SLC38A8: variants seen among roughly 807,000 people sequenced by gnomAD.
SLC38A8 encodes solute carrier family 38 member 8.
Under a neutral mutation model 46.0 loss-of-function variants are expected in SLC38A8, and 65 were observed. That is an observed-to-expected ratio of 1.41 (90% confidence interval 1.16 to 1.74). The LOEUF (loss-of-function observed/expected upper bound fraction) is 1.74. Ranked by LOEUF, SLC38A8 falls within the 40% of genes most tolerant of loss-of-function variation. SLC38A8 has a pLI of 0.00. For synonymous variants in SLC38A8, 447 were observed against 243.7 expected, an observed-to-expected ratio of 1.83 and a Z score of -7.77; for missense variants, 998 against 567.9, an observed-to-expected ratio of 1.76 and a Z score of -7.70.
Position 84,034,080 on chromosome 16 carries a change from T to C in SLC38A8, c.389-611A>G, listed in dbSNP as rs111372605. On this transcript the variant is annotated intron_variant, in intron 3 of 10. Transcript: ENST00000299709. ...TGGGGCTGGTCTGGAGGAACCCTGATGGCTCCCCACAACACCTACTGCCTG... is the reference window on the plus strand; with the variant it reads ...TGGGGCTGGTCTGGAGGAACCCTGACGGCTCCCCACAACACCTACTGCCTG... Among the ~76,000 whole-genome samples, 1,098 of 152,320 alleles carry C rather than the reference T, an allele frequency of 7.2e-3. 21 individuals carry two copies. Among genetic ancestry groups the C allele is most frequent in the African/African-American group, 0.025 (1,041 of 41,566 alleles).
At chr16:84,042,862 G>T (rs891907561), upstream of SLC38A8, among the ~76,000 whole-genome samples, 25 of 145,106 alleles carry the variant, frequency 1.7e-4, no homozygotes, top group Non-Finnish European at 3.2e-4. Flanking sequence ...GCCCCCTGCA[G>T]GCCCGGCCCC....
chr16:84,034,737 T>A (rs2085282589), intron 3 of SLC38A8, among the ~76,000 whole-genome samples: 1 of 152,064 alleles, frequency 6.6e-6, no homozygotes, highest in Non-Finnish European at 1.5e-5. Context: ...AGAGCCGAGA[T>A]GCCAAGGGAC....
chr16:84,010,526 G>A (rs9673448), intron 10 of SLC38A8, among the ~76,000 whole-genome samples: 1 of 151,832 alleles, frequency 6.6e-6, no homozygotes, highest in African/African-American at 2.4e-5. Flanking sequence ...GGATTCACCT[G>A]AGGTCATGAA....
At position 84,036,813 on chromosome 16, in the gene SLC38A8, T is replaced by C; in HGVS notation, c.277A>G (p.Arg93Gly). The C allele has an allele frequency of 6.2e-7, 1 of 1,614,008 alleles. No individual in the cohort carries two copies. Among genetic ancestry groups the C allele is most frequent in the Non-Finnish European group, 8.5e-7 (1 of 1,179,994 alleles). ...SGQATYQGVV[R>G]GLCGPAIGKL... ...CCAATGGCAGGGCCACACAGCCCCC[T>C]GACCACACCCTGGTAGGTGGCCTGG... Residue 93 changes from arginine (R) to glycine (G), a missense_variant, in exon 3 of 11, where the codon AGG (arginine) becomes GGG (glycine). Physicochemically the swap from Arg to Gly is moderately radical, Grantham distance 125 (BLOSUM62 -2). Transcript: ENST00000299709.
At chr16:84,020,177 G>A (rs1406717957) in intron 7 of SLC38A8, among the ~76,000 whole-genome samples, 3 of 143,124 alleles carry the variant, frequency 2.1e-5, no homozygotes, top group African/African-American at 8.0e-5. Flanking sequence ...GTCTTGCCCT[G>A]TCACCCAGGC....
chr16:84,032,815 T>C (rs1367992784), intron 4 of SLC38A8, among the ~76,000 whole-genome samples: 1 of 151,614 alleles, frequency 6.6e-6, no homozygotes, highest in Non-Finnish European at 1.5e-5. Flanking sequence ...ATACAGACCC[T>C]TAGCCACAAA....
intron 7 of SLC38A8, among the ~76,000 whole-genome samples, chr16:84,020,137 C>A (rs1019703905): frequency 7.4e-6 from 1 of 134,308 alleles, no homozygotes; most frequent in Non-Finnish European, 1.5e-5. Flanking sequence ...CCACAACATC[C>A]GTTGTTTTTT....
chr16:84,036,588 C>A (rs541257567), intron 3 of SLC38A8, 114 bp downstream of exon 3: 16 of 1,214,070 alleles, frequency 1.3e-5, no homozygotes. Context: ...GTTTCAGCCT[C>A]TGCTGTCCCT....
Position 84,017,122 on chromosome 16 carries a change from C to G in SLC38A8, c.953+18G>C, listed in dbSNP as rs373477224. On this transcript the variant is annotated intron_variant, in intron 8 of 10. Transcript: ENST00000299709. ...GCAGACCATGCTTCACGGTGCCCCCCACTGAGCCAGGCCTCACCTCCCCAG... is the reference window on the plus strand; with the variant it reads ...GCAGACCATGCTTCACGGTGCCCCCGACTGAGCCAGGCCTCACCTCCCCAG... The G allele has an allele frequency of 1.1e-5, 18 of 1,613,474 alleles. No homozygotes were observed. The highest frequency in any genetic ancestry group is 1.7e-4 in the Middle Eastern group (1 of 5,990).
Position 84,024,689 on chromosome 16 carries a change from G to A in SLC38A8, c.691-1800C>T, listed in dbSNP as rs543247785. 1.0e-3 allele frequency among the ~76,000 whole-genome samples: 155 copies of A among 152,190 alleles called. 2 individuals are homozygous for A. The highest frequency in any genetic ancestry group is 3.4e-3 in the Middle Eastern group (1 of 294). On this transcript the variant is annotated intron_variant, in intron 6 of 10. Transcript: ENST00000299709. ...CTAGTTACTTGGGAGGCTAAGGCAGGAGAGTCGCTCAAGCCTGGGAGGCAG... is the reference window on the plus strand; with the variant it reads ...CTAGTTACTTGGGAGGCTAAGGCAGAAGAGTCGCTCAAGCCTGGGAGGCAG...
chr16:84,043,000 C>T (rs1354977082), upstream of SLC38A8, among the ~76,000 whole-genome samples: 1 of 152,192 alleles, frequency 6.6e-6, no homozygotes, highest in African/African-American at 2.4e-5. Flanking sequence ...ACATACCTCT[C>T]CAAGGTCCCC....
chr16:84,041,826 T>G (rs932011077), intron 2 of SLC38A8, 143 bp downstream of exon 2: 1 of 747,088 alleles, frequency 1.3e-6, no homozygotes, highest in Non-Finnish European at 2.1e-6. Flanking sequence ...TCTCCCCTCA[T>G]TAGCTGAGCG....
At chr16:84,014,159 C>T (rs1319678567) in intron 9 of SLC38A8, among the ~76,000 whole-genome samples, 1 of 151,636 alleles carries the variant, frequency 6.6e-6, no homozygotes, top group Non-Finnish European at 1.5e-5. Context: ...GCTATGTGGC[C>T]ACACCCCTCA....
chr16:84,018,440 C>G (rs1408033281), intron 7 of SLC38A8, among the ~76,000 whole-genome samples: 3 of 151,926 alleles, frequency 2.0e-5, no homozygotes, highest in Non-Finnish European at 4.4e-5. Flanking sequence ...AGGATGGTCT[C>G]GATCTCCTGA....
rs1156950323 is a variant in SLC38A8 at position 84,033,381 on chromosome 16, C to T, written c.477G>A (p.Leu159=). ...QRFTLPLLSV[L]VILPLSAPRE... ...GCGGGGCAGACAGGGGCAGGATGAC[C>T]AGCACGGAGAGCAGGGGCAGGGTGA... The change falls in exon 4 of 11, where the codon CTG becomes CTA. Residue 159 remains leucine (L), a synonymous_variant. Transcript: ENST00000299709. 2 of 1,613,916 alleles carry T rather than the reference C, an allele frequency of 1.2e-6. No homozygotes were observed. Among genetic ancestry groups the T allele is most frequent in the Non-Finnish European group, 1.7e-6 (2 of 1,179,988 alleles).
rs144820276 is a variant in SLC38A8, at chr16:84,030,950, G to A, written c.632+917C>T. 6.7e-3 allele frequency among the ~76,000 whole-genome samples: 1,023 copies of A among 152,270 alleles called. 3 individuals are homozygous for A. The highest frequency in any genetic ancestry group is 0.011 in the Admixed American group (163 of 15,290). On this transcript the variant is annotated intron_variant, in intron 5 of 10. Coordinates refer to ENST00000299709, the MANE Select transcript of SLC38A8 (RefSeq NM_001080442.3). ...TCTGAAGCCACCAGGTCTGGGACCC[G>A]GGATCTAGGCAGAGGCCTCCCACTT...
Position 84,042,047 on chromosome 16 carries a change from C to A in SLC38A8, c.111G>T (p.Ala37=), listed in dbSNP as rs749320183. 6.2e-6 allele frequency: 10 copies of A among 1,613,922 alleles called. No homozygotes were observed. The highest frequency in any genetic ancestry group is 1.7e-5 in the Admixed American group (1 of 59,996). ...MGAVFILMKS[A]LGAGLLNFPW... is the part of the protein sequence containing the mutation. ...GGAAGTTGAGCAGGCCAGCTCCCAG[C>A]GCGGACTTCATGAGGATGAAGACAG... Residue 37 remains alanine (A), a synonymous_variant, in exon 2 of 11, where the codon GCG becomes GCT. Transcript: ENST00000299709.
chr16:84,037,945 A>T (rs1190583832), intron 2 of SLC38A8, among the ~76,000 whole-genome samples: 1 of 151,658 alleles, frequency 6.6e-6, no homozygotes, highest in African/African-American at 2.4e-5. Context: ...AGTATCTGGG[A>T]CTACAGGCAC....
At chr16:84,030,548 G>A (rs899199112) in intron 5 of SLC38A8, among the ~76,000 whole-genome samples, 7 of 151,898 alleles carry the variant, frequency 4.6e-5, no homozygotes, top group African/African-American at 9.7e-5. Flanking sequence ...TCTCCAGGTC[G>A]GCTCTACCTT....
Sources: gnomAD v4.1 joint callset for allele counts (sites outside exome capture counted in the v4.1 genomes callset) on GRCh38, gnomAD v4.1.1 for gene constraint, MANE v1.5 for transcripts, NCBI Gene and HGNC (gene_info 2026-07-23, HGNC 2026-07-21) for gene names.